DNMT3B: variants seen among roughly 807,000 people sequenced by gnomAD.
DNMT3B encodes DNA methyltransferase 3 beta.
DNMT3B carries 37 observed loss-of-function variants against 120.2 expected under a neutral mutation model. The observed-to-expected ratio is 0.31, with a 90% CI of 0.24 to 0.40. The LOEUF (loss-of-function observed/expected upper bound fraction) is 0.40. DNMT3B is among the 10% of genes least tolerant of loss of function. DNMT3B has a pLI of 1.00. For missense variants in DNMT3B, 878 were observed against 1,137.3 expected, an observed-to-expected ratio of 0.77 and a Z score of 3.28; for synonymous variants, 412 against 442.8, an observed-to-expected ratio of 0.93 and a Z score of 0.87.
chr20:32,785,644 T>G (rs868007810), intron 4 of DNMT3B, among the ~76,000 whole-genome samples: 1 of 152,162 alleles, frequency 6.6e-6, no homozygotes, highest in African/African-American at 2.4e-5. Flanking sequence ...TTTGTGGAGA[T>G]GAGAGAAGAT....
chr20:32,796,079 AT>A (rs1012854347), intron 12 of DNMT3B, among the ~76,000 whole-genome samples: 5 of 152,178 alleles, frequency 3.3e-5, no homozygotes, highest in African/African-American at 1.2e-4. Flanking sequence ...TTGCCACTGG[AT>A]TGGATACTCT....
At chr20:32,794,051 G>C (rs1980304969) in intron 10 of DNMT3B, among the ~76,000 whole-genome samples, 1 of 152,092 alleles carries the variant, frequency 6.6e-6, no homozygotes, top group African/African-American at 2.4e-5. Context: ...TGGGCTCAGT[G>C]GCTCACGCTT....
intron 7 of DNMT3B, among the ~76,000 whole-genome samples, chr20:32,790,906 C>T (rs1487404009): frequency 6.6e-6 from 1 of 152,198 alleles, no homozygotes; most frequent in African/African-American, 2.4e-5. Context: ...AAGCGATCCT[C>T]TCAACTCCCA....
intron 1 of DNMT3B, among the ~76,000 whole-genome samples, chr20:32,773,341 G>T (rs2145870309): frequency 6.6e-6 from 1 of 152,270 alleles, no homozygotes; most frequent in South Asian, 2.1e-4. Context: ...TCTACTGTAG[G>T]ATGACAGTGG....
rs1980682257 is a variant in DNMT3B, at chr20:32,796,849, G to A, written c.1357G>A (p.Gly453Arg). 1.2e-6 allele frequency: 2 copies of A among 1,614,164 alleles called. No individual in the cohort carries two copies. Among genetic ancestry groups the A allele is most frequent in the Non-Finnish European group, 1.7e-6 (2 of 1,180,026 alleles). Reference protein sequence around the residue: ...PVSFHPLFEGGLCQTCRDRFL... With the variant: ...PVSFHPLFEGRLCQTCRDRFL... ...GTCCTTCCACCCTCTCTTTGAGGGG[G>A]GGCTCTGTCAGACATGCCGGGTAAG... The change falls in exon 13 of 23, where the codon GGG becomes AGG. Residue 453 changes from glycine (G) to arginine (R), a missense_variant. Gly to Arg is a moderately radical substitution (Grantham distance 125). Around this residue, in one of 4 missense-constraint regions of DNMT3B, gnomAD observed 207 missense variants for 222.6 expected, o/e 0.93. Transcript: ENST00000328111.
At position 32,796,793 on chromosome 20, in the gene DNMT3B, G is replaced by A. The variant is rs774022931; in HGVS notation, c.1301G>A (p.Gly434Asp). 2.5e-6 allele frequency: 4 copies of A among 1,614,222 alleles called. No homozygotes were observed. In the Admixed American group the frequency reaches 6.7e-5, roughly 27 times the overall value. ...CACAACCCTGTTTTTCTTACAGATG[G>A]CTGTTTGTCTTGTGGCAGGAAAAAC... Reference protein sequence around the residue: ...VANNKSSLEDGCLSCGRKNPV... With the variant: ...VANNKSSLEDDCLSCGRKNPV... The change falls in exon 13 of 23, where the codon GGC (glycine) becomes GAC (aspartate). Residue 434 changes from glycine (G) to aspartate (D), a missense_variant. Around this residue, in one of 4 missense-constraint regions of DNMT3B, gnomAD observed 207 missense variants for 222.6 expected, o/e 0.93. Coordinates refer to ENST00000328111, the MANE Select transcript of DNMT3B (RefSeq NM_006892.4).
At chr20:32,781,211 G>A (rs886816634) in intron 2 of DNMT3B, 142 bp from the exon 3 acceptor site, 11 of 831,312 alleles carry the variant, frequency 1.3e-5, no homozygotes, top group Middle Eastern at 3.1e-4. Flanking sequence ...GATACTGACG[G>A]ACTGAGAGCA....
At chr20:32,794,053 C>T (rs551150340) in intron 10 of DNMT3B, among the ~76,000 whole-genome samples, 29 of 152,216 alleles carry the variant, frequency 1.9e-4, no homozygotes, top group Non-Finnish European at 3.7e-4. Context: ...GGCTCAGTGG[C>T]TCACGCTTAT....
At chr20:32,798,752 C>G (rs1219591997) in intron 15 of DNMT3B, 109 bp downstream of exon 15, 1 of 1,483,782 alleles carries the variant, frequency 6.7e-7, no homozygotes, top group Non-Finnish European at 9.2e-7. Flanking sequence ...CGTTGTACCT[C>G]TTGGAGCCTC....
At chr20:32,773,336 T>C (rs780567711) in intron 1 of DNMT3B, among the ~76,000 whole-genome samples, 37 of 152,208 alleles carry the variant, frequency 2.4e-4, no homozygotes, top group Admixed American at 9.8e-4. Flanking sequence ...CAGCTTCTAC[T>C]GTAGGATGAC....
At chr20:32,784,733 A>G (rs1207774890) in intron 3 of DNMT3B, 25 bp from the exon 4 acceptor site, 3 of 1,613,160 alleles carry the variant, frequency 1.9e-6, no homozygotes, top group African/African-American at 2.7e-5. Context: ...GGTCTTCATC[A>G]TGTTCATCAT....
At chr20:32,801,819 A>G (rs1981379862) in intron 19 of DNMT3B, among the ~76,000 whole-genome samples, 1 of 152,140 alleles carries the variant, frequency 6.6e-6, no homozygotes, top group African/African-American at 2.4e-5. Flanking sequence ...TCCTGGGCTC[A>G]AGCAATCCGC....
chr20:32,789,367 G>A lies in DNMT3B; in HGVS notation c.813+355G>A, dbSNP rs149320802. Among the ~76,000 whole-genome samples, 782 of 152,346 alleles carry A rather than the reference G, an allele frequency of 5.1e-3. 8 individuals carry two copies. Among genetic ancestry groups the A allele is most frequent in the African/African-American group, 0.018 (743 of 41,582 alleles). ...AAGCCTGGAAGAGACCGGAAGCATG[G>A]CCGCGGCCTCTTGTCATTTAGCCCT... On this transcript the variant is annotated intron_variant, in intron 7 of 22. Transcript: ENST00000328111.
intron 1 of DNMT3B, among the ~76,000 whole-genome samples, chr20:32,774,080 G>A (rs535775511): frequency 1.3e-5 from 2 of 151,940 alleles, no homozygotes; most frequent in South Asian, 2.1e-4. Context: ...CCGCCAGTGT[G>A]GACAGCCTGA....
chr20:32,783,737 T>A (rs571201323), intron 3 of DNMT3B, among the ~76,000 whole-genome samples: 3 of 152,216 alleles, frequency 2.0e-5, no homozygotes, highest in Admixed American at 6.5e-5. Flanking sequence ...TTGTTTGTTT[T>A]GTTTTGAGAC....
intron 20 of DNMT3B, among the ~76,000 whole-genome samples, chr20:32,804,723 G>A (rs1981772195): frequency 1.3e-5 from 2 of 148,472 alleles, no homozygotes; most frequent in African/African-American, 2.5e-5. Context: ...TAAGAGACAG[G>A]GTCTGTCTCC....
chr20:32,780,383 G>C lies in DNMT3B; in HGVS notation c.60G>C (p.Ser20=), dbSNP rs530552033. 1.9e-6 allele frequency: 3 copies of C among 1,613,878 alleles called. No individual in the cohort carries two copies. Among genetic ancestry groups the C allele is most frequent in the Admixed American group, 3.3e-5 (2 of 60,010 alleles). ...AGGACGCCGGCGGGAGGGAAGACTC[G>C]ATCCTCGTCAACGGGGCCTGCAGCG... ...GEEDAGGRED[S]ILVNGACSDQ... Residue 20 remains serine (S), a synonymous_variant, in exon 2 of 23, where the codon TCG becomes TCC. Coordinates refer to ENST00000328111, the MANE Select transcript of DNMT3B (RefSeq NM_006892.4).
At chr20:32,803,433 C>T (rs910604621) in intron 20 of DNMT3B, among the ~76,000 whole-genome samples, 10 of 152,168 alleles carry the variant, frequency 6.6e-5, no homozygotes, top group African/African-American at 1.7e-4. Flanking sequence ...TCACCTTGCC[C>T]GTGTACTTGG....
intron 1 of DNMT3B, among the ~76,000 whole-genome samples, chr20:32,777,949 T>C (rs1008321719): frequency 6.6e-6 from 1 of 152,246 alleles, no homozygotes; most frequent in Non-Finnish European, 1.5e-5. Flanking sequence ...CTATGTGTTA[T>C]GTATCAGCGC....
Sources: gnomAD v4.1 joint callset for allele counts (sites outside exome capture counted in the v4.1 genomes callset) on GRCh38, gnomAD v4.1.1 for gene constraint, gnomAD v4.1.1 regional missense constraint, MANE v1.5 for transcripts, NCBI Gene and HGNC (gene_info 2026-07-23, HGNC 2026-07-21) for gene names.